The following MACROD2 variants were observed in gnomAD, a reference collection of about 807,000 sequenced individuals.
MACROD2 encodes ADP-ribose glycohydrolase MACROD2.
Under a neutral mutation model 70.4 loss-of-function variants are expected in MACROD2, and 36 were observed. That is an observed-to-expected ratio of 0.51 (90% CI 0.39 to 0.68). The LOEUF is 0.68. Among genes scored for constraint, MACROD2 ranks in the 30% least tolerant of loss-of-function variants. The pLI is 0.00. For missense variants in MACROD2, 496 were observed against 538.4 expected, an observed-to-expected ratio of 0.92 and a Z score of 0.78; for synonymous variants, 172 against 178.8, an observed-to-expected ratio of 0.96 and a Z score of 0.30.
intron 5 of MACROD2, among the ~76,000 whole-genome samples, chr20:15,160,317 T>C (rs557830057): frequency 6.6e-6 from 1 of 152,178 alleles, no homozygotes; most frequent in South Asian, 2.1e-4. Context: ...TGAACTATCA[T>C]AGCGATTTGA....
rs11696436 is a variant in MACROD2 at position 15,715,357 on chromosome 20, C to T, written c.646-147388C>T. ...AAAGAGAATAGTATTTCTTTTGCAACCCTGATCTTACTTGGGGATGAAAAC... is the reference window on the plus strand; with the variant it reads ...AAAGAGAATAGTATTTCTTTTGCAATCCTGATCTTACTTGGGGATGAAAAC... On this transcript the variant is annotated intron_variant, in intron 8 of 17. Coordinates refer to ENST00000684519, the MANE Select transcript of MACROD2 (RefSeq NM_001351661.2). 8.8e-3 allele frequency among the ~76,000 whole-genome samples: 1,333 copies of T among 152,196 alleles called. 7 individuals are homozygous for T. The highest frequency in any genetic ancestry group is 0.016 in the Non-Finnish European group (1,083 of 67,970).
At chr20:15,677,486 C>T (rs2050076258) in intron 8 of MACROD2, among the ~76,000 whole-genome samples, 2 of 152,110 alleles carry the variant, frequency 1.3e-5, no homozygotes, top group African/African-American at 4.8e-5. Flanking sequence ...AGCTCTGCAG[C>T]AGAGCTGGGG....
intron 5 of MACROD2, among the ~76,000 whole-genome samples, chr20:15,215,187 A>G (rs772208792): frequency 1.3e-5 from 2 of 151,932 alleles, no homozygotes; most frequent in Non-Finnish European, 2.9e-5. Context: ...ATGAAGCACT[A>G]TGAAACAGCT....
At chr20:15,681,364 G>T (rs991531260) in intron 8 of MACROD2, among the ~76,000 whole-genome samples, 5 of 152,172 alleles carry the variant, frequency 3.3e-5, no homozygotes, top group Non-Finnish European at 5.9e-5. Flanking sequence ...AAACAGGGGG[G>T]CCTAGTGACA....
chr20:15,323,258 G>C (rs2077891800), intron 6 of MACROD2, among the ~76,000 whole-genome samples: 1 of 152,120 alleles, frequency 6.6e-6, no homozygotes, highest in East Asian at 1.9e-4. Context: ...AGATGCATTT[G>C]ACAGGACCAT....
intron 3 of MACROD2, among the ~76,000 whole-genome samples, chr20:14,183,606 C>A (rs1052813545): frequency 6.6e-6 from 1 of 151,986 alleles, no homozygotes; most frequent in African/African-American, 2.4e-5. Context: ...CAATCACAAC[C>A]ACAGTGGTTG....
chr20:14,383,391 C>G (rs62207627), intron 3 of MACROD2, among the ~76,000 whole-genome samples: 23,150 of 151,030 alleles, frequency 0.15, 2,469 homozygotes, highest in Non-Finnish European at 0.23. Flanking sequence ...GCCTCTTGTT[C>G]CTTCGTGAAC....
At chr20:14,509,280 T>C (rs978193608) in intron 4 of MACROD2, among the ~76,000 whole-genome samples, 2 of 152,124 alleles carry the variant, frequency 1.3e-5, no homozygotes, top group African/African-American at 2.4e-5. Context: ...TTACAATTTT[T>C]TAATTGGGAC....
intron 5 of MACROD2, among the ~76,000 whole-genome samples, chr20:15,019,178 C>G (rs948812337): frequency 6.6e-6 from 1 of 151,918 alleles, no homozygotes; most frequent in Admixed American, 6.5e-5. Context: ...CGCGCGCGCG[C>G]GGAGAGAGTT....
At chr20:15,037,683 C>CTT (rs998153439) in intron 5 of MACROD2, among the ~76,000 whole-genome samples, 2 of 142,172 alleles carry the variant, frequency 1.4e-5, no homozygotes, top group African/African-American at 2.5e-5. Flanking sequence ...AACTTTAACT[C>CTT]TTTTTTTTTT....
At chr20:15,910,222 A>G (rs553555703) in intron 10 of MACROD2, among the ~76,000 whole-genome samples, 4 of 152,338 alleles carry the variant, frequency 2.6e-5, no homozygotes, top group Non-Finnish European at 4.4e-5. Context: ...AGACAGTCAC[A>G]CTGCTGTCTA....
intron 5 of MACROD2, among the ~76,000 whole-genome samples, chr20:14,689,601 G>C (rs1174744961): frequency 2.6e-5 from 4 of 152,156 alleles, no homozygotes; most frequent in African/African-American, 9.7e-5. Flanking sequence ...GTGTGTCTAT[G>C]CATGGGGTCT....
intron 2 of MACROD2, among the ~76,000 whole-genome samples, chr20:14,057,889 C>T (rs761876898): frequency 3.3e-5 from 5 of 152,190 alleles, no homozygotes; most frequent in South Asian, 2.1e-4. Context: ...AGATAAATTA[C>T]ATGAACCGAT....
chr20:14,504,745 A>C (rs1207093375), intron 4 of MACROD2, among the ~76,000 whole-genome samples: 3 of 152,146 alleles, frequency 2.0e-5, no homozygotes, highest in Non-Finnish European at 2.9e-5. Context: ...TTTAACCTTA[A>C]TTCTGATAAA....
intron 8 of MACROD2, among the ~76,000 whole-genome samples, chr20:15,798,214 G>A (rs530150094): frequency 6.6e-6 from 1 of 152,340 alleles, no homozygotes; most frequent in South Asian, 2.1e-4. Flanking sequence ...AAAGAGCACA[G>A]TGGGGATGAC....
chr20:15,605,789 C>T (rs1183717313), intron 8 of MACROD2, among the ~76,000 whole-genome samples: 2 of 152,138 alleles, frequency 1.3e-5, no homozygotes, highest in African/African-American at 2.4e-5. Flanking sequence ...TCTAGAGCCT[C>T]GTGAAACTCA....
intron 3 of MACROD2, among the ~76,000 whole-genome samples, chr20:14,225,214 C>T (rs1446849746): frequency 6.6e-6 from 1 of 152,068 alleles, no homozygotes; most frequent in Non-Finnish European, 1.5e-5. Flanking sequence ...TATCAAATGA[C>T]TTCATTGGTT....
At chr20:14,735,338 T>G (rs966438942) in intron 5 of MACROD2, among the ~76,000 whole-genome samples, 3 of 152,148 alleles carry the variant, frequency 2.0e-5, no homozygotes, top group Non-Finnish European at 4.4e-5. Flanking sequence ...AAAAGACATT[T>G]GTCTAAAGAA....
Position 14,082,177 on chromosome 20 carries a change from C to CTTTTT in MACROD2, c.164-3429_164-3425dup, listed in dbSNP as rs66918191. Among the ~76,000 whole-genome samples the CTTTTT allele has an allele frequency of 8.0e-4, 75 of 93,202 alleles. 4 individuals carry two copies. Among genetic ancestry groups the CTTTTT allele is most frequent in the African/African-American group, 1.7e-3 (38 of 22,604 alleles). 61.1% of individuals were successfully genotyped at this position (93,202 alleles called of 152,430 possible). On this transcript the variant is annotated intron_variant, in intron 2 of 17. Coordinates refer to ENST00000684519, the MANE Select transcript of MACROD2 (RefSeq NM_001351661.2). ...TTTTCCCATACCTTTCTTTTTTTTT[C>CTTTTT]TTTTTTTTTTTTTTTTTTTGAGATG...
Sources: gnomAD v4.1 joint callset for allele counts (sites outside exome capture counted in the v4.1 genomes callset) on GRCh38, gnomAD v4.1.1 for gene constraint, MANE v1.5 for transcripts, NCBI Gene and HGNC (gene_info 2026-07-23, HGNC 2026-07-21) for gene names.